The following NBPF15 variants were observed in gnomAD, a reference collection of about 807,000 sequenced individuals.
NBPF15 encodes NBPF member 15.
A neutral mutation model predicts 62.2 loss-of-function variants in NBPF15; 74 were observed. That is an observed-to-expected ratio of 1.19 (90% confidence interval 0.99 to 1.44). The LOEUF is 1.44. Among genes scored for constraint, NBPF15 ranks in the 40% most tolerant of loss-of-function variants. NBPF15 has a pLI of 0.00. For synonymous variants in NBPF15, 244 were observed against 209.7 expected (o/e 1.16, Z -1.41); for missense variants, 790 against 550.0 (o/e 1.44, Z -4.36).
At chr1:144,441,917 C>T (rs1489675599) in intron 6 of NBPF15, among the ~76,000 whole-genome samples, 4 of 148,136 alleles carry the variant, frequency 2.7e-5, no homozygotes, top group Non-Finnish European at 4.5e-5. Flanking sequence ...CATTTAGAAG[C>T]GGCGGTGCGA....
chr1:144,422,969 G>C lies in NBPF15; in HGVS notation c.*44C>G. The C allele has an allele frequency of 6.2e-7, 1 of 1,611,622 alleles. No homozygotes were observed. Among genetic ancestry groups the C allele is most frequent in the Non-Finnish European group, 8.5e-7 (1 of 1,179,616 alleles). On this transcript the variant is annotated 3_prime_UTR_variant, in exon 22 of 22. Coordinates refer to ENST00000581897, the MANE Select transcript of NBPF15 (RefSeq NM_001385408.1). ...CATTCAAATCTTCTCGTGCCTATAG[G>C]TCCTGCCTGCAGGAATGACATCTCT... is the stretch of plus-strand genomic sequence containing the variant.
In NBPF15 at chr1:144,426,432, C is replaced by T. The variant is rs1228540447; in HGVS notation, c.1284G>A (p.Leu428=). 1 of 792,256 alleles carries T rather than the reference C, an allele frequency of 1.3e-6. No individual in the cohort carries two copies. The highest frequency in any genetic ancestry group is 2.3e-6 in the Non-Finnish European group (1 of 434,014). The allele number at this position is 792,256 out of a possible 1,614,324, so 49.1% of individuals were successfully genotyped here. A position where few individuals can be genotyped will look rare whatever the true frequency, so the allele number is the denominator to read the frequency against. ...PSCPRLSREL[L]DEKEPEVLQD... ...GCAAGACTTCAGGCTCTTTCTCATCCAGCAGCTCCCTGCTGAGCCTGGAAA... is the reference window on the plus strand; with the variant it reads ...GCAAGACTTCAGGCTCTTTCTCATCTAGCAGCTCCCTGCTGAGCCTGGAAA... The change falls in exon 18 of 22, where the codon CTG becomes CTA. Residue 428 remains leucine (L), a synonymous_variant. Transcript: ENST00000581897.
chr1:144,434,968 A>C, intron 12 of NBPF15, 143 bp downstream of exon 12: 3 of 1,383,958 alleles, frequency 2.2e-6, no homozygotes, highest in Non-Finnish European at 3.0e-6. Flanking sequence ...TTAGCTGAGA[A>C]GGACAAAAAA....
At chr1:144,458,001 T>A (rs1431646782) in intron 3 of NBPF15, among the ~76,000 whole-genome samples, 1 of 151,576 alleles carries the variant, frequency 6.6e-6, no homozygotes, top group Non-Finnish European at 1.5e-5. Context: ...GTGGGCAGAC[T>A]GCTTGAGCCT....
intron 18 of NBPF15, 111 bp from the exon 19 acceptor site, chr1:144,425,679 G>A (rs1669248438): frequency 6.8e-6 from 4 of 588,506 alleles, no homozygotes; most frequent in East Asian, 3.3e-5. Context: ...CATGAGAACA[G>A]GACAATGTGA....
Position 144,422,948 on chromosome 1 carries a change from C to T in NBPF15, c.*65G>A, listed in dbSNP as rs587721502. 859 of 1,611,556 alleles carry T rather than the reference C, an allele frequency of 5.3e-4. 8 individuals carry two copies. In the African/African-American group the frequency reaches 9.9e-3, roughly 19 times the overall value. On this transcript the variant is annotated 3_prime_UTR_variant, in exon 22 of 22. Coordinates refer to ENST00000581897, the MANE Select transcript of NBPF15 (RefSeq NM_001385408.1). ...TTCCAAATGGAACTGTACTTTCATT[C>T]AAATCTTCTCGTGCCTATAGGTCCT...
At chr1:144,456,070 T>C (rs1379052414) in intron 4 of NBPF15, among the ~76,000 whole-genome samples, 6 of 151,828 alleles carry the variant, frequency 4.0e-5, no homozygotes, top group Admixed American at 3.3e-4. Context: ...TAGAGGGCAC[T>C]GCCTAAAACC....
rs1444847210 is a variant in NBPF15 at position 144,444,506 on chromosome 1, G to A, written c.-190-4211C>T. Among the ~76,000 whole-genome samples the A allele has an allele frequency of 5.9e-5, 9 of 151,744 alleles. No homozygotes were observed. The East Asian group carries it at 1.2e-3, about 20-fold the overall frequency. On this transcript the variant is annotated intron_variant, in intron 6 of 21. Coordinates refer to ENST00000581897, the MANE Select transcript of NBPF15 (RefSeq NM_001385408.1). Reference sequence around the variant, plus strand: ...GGACTCTCCAAACCTCTGTGATTTAGCAGGAGACAAGATAAGGGCCCCCAG... The same window carrying A: ...GGACTCTCCAAACCTCTGTGATTTAACAGGAGACAAGATAAGGGCCCCCAG...
chr1:144,438,838 C>G (rs1469088294), intron 8 of NBPF15, among the ~76,000 whole-genome samples: 1 of 151,924 alleles, frequency 6.6e-6, no homozygotes, highest in Non-Finnish European at 1.5e-5. Context: ...GGCCCACAGT[C>G]CCTGCTCTGT....
At chr1:144,428,899 T>C (rs1190407781) in intron 14 of NBPF15, among the ~76,000 whole-genome samples, 23 of 152,176 alleles carry the variant, frequency 1.5e-4, no homozygotes, top group African/African-American at 5.5e-4. Context: ...TGCTCTGTCC[T>C]AGGTTTATGT....
At position 144,444,088 on chromosome 1, in the gene NBPF15, G is replaced by T. The variant is rs1685475647; in HGVS notation, c.-190-3793C>A. 2.6e-5 allele frequency among the ~76,000 whole-genome samples: 4 copies of T among 151,832 alleles called. No homozygotes were observed. The South Asian group carries it at 8.4e-4, about 32-fold the overall frequency. ...TAAATACTGAGTAGTATTCCTTCGT[G>T]TGGCTATACCATGTATGTTTGTACT... On this transcript the variant is annotated intron_variant, in intron 6 of 21. Transcript: ENST00000581897.
intron 4 of NBPF15, among the ~76,000 whole-genome samples, chr1:144,455,005 AG>A (rs1693495795): frequency 6.6e-6 from 1 of 151,624 alleles, no homozygotes; most frequent in African/African-American, 2.4e-5. Context: ...TAGAACAAAA[AG>A]GAAAGAAAAA....
chr1:144,455,652 C>G lies in NBPF15; in HGVS notation c.-432+885G>C, dbSNP rs1297898182. 2.6e-5 allele frequency among the ~76,000 whole-genome samples: 4 copies of G among 152,032 alleles called. No homozygotes were observed. The East Asian group carries it at 7.7e-4, about 29-fold the overall frequency. ...TGGGGGCCTCAGCCCCTGGGTCTGA[C>G]ATCGTCCATTTGTCATTCTCACTGG... On this transcript the variant is annotated intron_variant, in intron 4 of 21. Transcript: ENST00000581897.
rs201553147 is a variant in NBPF15 at position 144,435,174 on chromosome 1, C to A, written c.709G>T (p.Asp237Tyr). 6.2e-7 allele frequency: 1 copy of A among 1,612,918 alleles called. No homozygotes were observed. Among genetic ancestry groups the A allele is most frequent in the Non-Finnish European group, 8.5e-7 (1 of 1,179,718 alleles). The change falls in exon 12 of 22, where the codon GAC becomes TAC. Residue 237 changes from aspartate (D) to tyrosine (Y), a missense_variant. By Grantham distance (160) the Asp-to-Tyr change is radical. Transcript: ENST00000581897. ...GAGGATGAGCCAATGAGAGTTGAGT[C>A]GACTTTGTCTTCCTCAAATGTGATT... ...TKITFEEDKV[D>Y]STLIGSSSHV...
At chr1:144,424,485 G>A (rs1167176948) in intron 20 of NBPF15, among the ~76,000 whole-genome samples, 4 of 152,070 alleles carry the variant, frequency 2.6e-5, no homozygotes, top group African/African-American at 9.7e-5. Flanking sequence ...CATGGCCTGA[G>A]ACTAGGAAGA....
chr1:144,457,939 T>C (rs1385961202), intron 3 of NBPF15, among the ~76,000 whole-genome samples: 5 of 151,742 alleles, frequency 3.3e-5, no homozygotes, highest in African/African-American at 1.2e-4. Flanking sequence ...AATAGAAAAT[T>C]AGCCGGGCAT....
rs1220888635 is a variant in NBPF15, at chr1:144,424,546, A to C, written c.1663+144T>G. ...TGTCTGGGCTTCCAGGTAGAACTAG[A>C]GTTTCATTCAACCTACATGTGCCTA... On this transcript the variant is annotated intron_variant, in intron 20 of 21. Coordinates refer to ENST00000581897, the MANE Select transcript of NBPF15 (RefSeq NM_001385408.1). 6.3e-6 allele frequency: 4 copies of C among 630,498 alleles called. No homozygotes were observed. In the East Asian group the frequency reaches 1.1e-4, roughly 17 times the overall value. 39.1% of individuals were successfully genotyped at this position (630,498 alleles called of 1,614,324 possible). A position where few individuals can be genotyped will look rare whatever the true frequency, so the allele number is the denominator to read the frequency against.
chr1:144,428,474 G>A lies in NBPF15; in HGVS notation c.1040+132C>T, dbSNP rs77739352. 17 of 887,450 alleles carry A rather than the reference G, an allele frequency of 1.9e-5. No individual in the cohort carries two copies. In the East Asian group the frequency reaches 2.9e-4, roughly 15 times the overall value. The allele number at this position is 887,450 out of a possible 1,614,324, so 55.0% of individuals were successfully genotyped here. A position where few individuals can be genotyped will look rare whatever the true frequency, so the allele number is the denominator to read the frequency against. The stretch of plus-strand genomic sequence containing the variant: ...CATTTACTCTAATGAGAACCAAAAA[G>A]CAATGTAGTAGGCATAATTCAGACT... On this transcript the variant is annotated intron_variant, in intron 15 of 21. Transcript: ENST00000581897.
chr1:144,438,407 G>T (rs1434238297), intron 8 of NBPF15, among the ~76,000 whole-genome samples: 1 of 151,954 alleles, frequency 6.6e-6, no homozygotes, highest in Non-Finnish European at 1.5e-5. Context: ...ATGAAGTAGT[G>T]ATTTCTCGTA....
Sources: gnomAD v4.1 joint callset for allele counts (sites outside exome capture counted in the v4.1 genomes callset) on GRCh38, gnomAD v4.1.1 for gene constraint, MANE v1.5 for transcripts, NCBI Gene and HGNC (gene_info 2026-07-23, HGNC 2026-07-21) for gene names.